Variants in RASL12 observed in about 807,000 individuals in gnomAD.
RASL12 encodes ras-like protein family member 12.
Under a neutral mutation model 22.9 loss-of-function variants are expected in RASL12, and 16 were observed. The observed-to-expected ratio is 0.70, with a 90% CI of 0.47 to 1.06. RASL12 has a LOEUF of 1.06. RASL12 is among the 50% of genes least tolerant of loss of function. The probability of loss-of-function intolerance (pLI) is 0.00; values close to 1 mark genes in which losing one functional copy is unlikely to be tolerated. For synonymous variants in RASL12, 159 were observed against 152.2 expected (o/e 1.04, Z -0.33); for missense variants, 306 against 353.1 (o/e 0.87, Z 1.07).
Position 65,053,347 on chromosome 15 carries a change from A to G in RASL12, c.*1552T>C. 7.1e-7 allele frequency: 1 copy of G among 1,411,584 alleles called. No homozygotes were observed. The highest frequency in any genetic ancestry group is 9.2e-7 in the Non-Finnish European group (1 of 1,090,090). The allele number at this position is 1,411,584 out of a possible 1,614,324, so 87.4% of individuals were successfully genotyped here. A position where few individuals can be genotyped will look rare whatever the true frequency, so the allele number is the denominator to read the frequency against. ...GCAAGCAAACTAAAATTCTGTTATTAAAAAAAATCTTTTATTAAAATGCTC... is the reference window on the plus strand; with the variant it reads ...GCAAGCAAACTAAAATTCTGTTATTGAAAAAAATCTTTTATTAAAATGCTC... On this transcript the variant is annotated 3_prime_UTR_variant, in exon 5 of 5. Coordinates refer to ENST00000220062, the MANE Select transcript of RASL12 (RefSeq NM_016563.4).
At chr15:65,071,445 C>T (rs540927312), upstream of RASL12, among the ~76,000 whole-genome samples, 5 of 152,218 alleles carry the variant, frequency 3.3e-5, no homozygotes, top group South Asian at 1.0e-3. Context: ...GGAAACTCTC[C>T]CCAGCTGTAG....
At position 65,065,254 on chromosome 15, in the gene RASL12, C is replaced by T; in HGVS notation, c.123G>A (p.Leu41=). 1.2e-6 allele frequency: 2 copies of T among 1,612,600 alleles called. No homozygotes were observed. Among genetic ancestry groups the T allele is most frequent in the Non-Finnish European group, 1.7e-6 (2 of 1,179,502 alleles). Residue 41 remains leucine (L), a synonymous_variant, in exon 2 of 5, where the codon CTG becomes CTA. Coordinates refer to ENST00000220062, the MANE Select transcript of RASL12 (RefSeq NM_016563.4). ...CATATTCACTGATAAACCTCTTGGT[C>T]AGAAACTTCACGGTCAGGGCTGCAA... is the stretch of plus-strand genomic sequence containing the variant. ...AGKSALTVKF[L]TKRFISEYDP...
the RASL12 span, among the ~76,000 whole-genome samples, chr15:65,045,843 A>G: frequency 6.6e-6 from 1 of 152,260 alleles, no homozygotes; most frequent in Non-Finnish European, 1.5e-5. Context: ...TGCTCACTTT[A>G]GAAGCAAACT....
downstream of RASL12, chr15:65,049,268 A>G (rs1180845732): frequency 6.6e-6 from 1 of 151,542 alleles, no homozygotes; most frequent in East Asian, 1.9e-4. Context: ...ATTTATCCAG[A>G]GAGCATGGAT....
chr15:65,050,464 C>T (rs2086635798), downstream of RASL12, among the ~76,000 whole-genome samples: 1 of 152,122 alleles, frequency 6.6e-6, no homozygotes, highest in South Asian at 2.1e-4. Flanking sequence ...ACGCATAGTG[C>T]GTTGGTGATG....
downstream of RASL12, chr15:65,051,747 T>C: frequency 1.5e-6 from 1 of 656,910 alleles, no homozygotes; most frequent in African/African-American, 1.9e-5. Flanking sequence ...TCAGTGTCCT[T>C]CGAGAACCCC....
chr15:65,058,291 C>T (rs1020278698), intron 4 of RASL12, 136 bp downstream of exon 4: 1 of 687,710 alleles, frequency 1.5e-6, no homozygotes, highest in Non-Finnish European at 2.1e-6. Context: ...CACACACAAA[C>T]AAACATATAA....
chr15:65,048,138 G>A, the RASL12 span, among the ~76,000 whole-genome samples: 283 of 151,542 alleles, frequency 1.9e-3, 1 homozygote, highest in Non-Finnish European at 3.6e-3. Flanking sequence ...CTGAGATCAC[G>A]TCACTGCACT....
At chr15:65,075,340 C>T (rs1178575511) in intron 1 of RASL12, among the ~76,000 whole-genome samples, 2 of 152,238 alleles carry the variant, frequency 1.3e-5, no homozygotes, top group African/African-American at 4.8e-5. Context: ...GCCCGAGCCT[C>T]CCCGACGAGC....
chr15:65,073,960 A>G (rs560742213), intron 1 of RASL12, among the ~76,000 whole-genome samples: 2 of 152,302 alleles, frequency 1.3e-5, no homozygotes, highest in South Asian at 2.1e-4. Flanking sequence ...GGCAGCCCCA[A>G]TTCCTTTTCC....
chr15:65,070,499 C>T (rs1421783444), upstream of RASL12, among the ~76,000 whole-genome samples: 1 of 152,244 alleles, frequency 6.6e-6, no homozygotes, highest in Admixed American at 6.5e-5. Context: ...TAACCCAACT[C>T]TCCTTACCCT....
chr15:65,055,968 C>T (rs2086725943), intron 4 of RASL12, among the ~76,000 whole-genome samples: 2 of 152,256 alleles, frequency 1.3e-5, no homozygotes, highest in South Asian at 4.1e-4. Flanking sequence ...GGGGCAACAC[C>T]TATTCTGCCT....
rs538147800 is a variant in RASL12 at position 65,057,209 on chromosome 15, C to G, written c.425+1218G>C. Among the ~76,000 whole-genome samples the G allele has an allele frequency of 1.2e-4, 18 of 152,330 alleles. No individual in the cohort carries two copies. The South Asian group carries it at 2.7e-3, about 23-fold the overall frequency. ...CTGACCCGTTCTAAACAAAGGGTCC[C>G]TTCCTTGCTAACACCAGTCAATGTG... is the stretch of plus-strand genomic sequence containing the variant. On this transcript the variant is annotated intron_variant, in intron 4 of 4. Transcript: ENST00000220062.
At chr15:65,066,072 AG>A (rs2086874810) in intron 1 of RASL12, among the ~76,000 whole-genome samples, 2 of 149,174 alleles carry the variant, frequency 1.3e-5, no homozygotes, top group African/African-American at 2.6e-5. Context: ...AGAGTAGAGA[AG>A]AGAGAGAATA....
Position 65,056,663 on chromosome 15 carries a change from T to C in RASL12, c.426-1389A>G, listed in dbSNP as rs2086735840. ...ATTTTGTTGCATCCTAGGGAAAATT[T>C]TATCAGTGGCTTGGGAAGCATCAAC... On this transcript the variant is annotated intron_variant, in intron 4 of 4. Transcript: ENST00000220062. 1.3e-5 allele frequency among the ~76,000 whole-genome samples: 2 copies of C among 152,120 alleles called. 1 individual carries two copies. Among genetic ancestry groups the C allele is most frequent in the Admixed American group, 1.3e-4 (2 of 15,276 alleles).
At chr15:65,052,321 A>G (rs1374182848), downstream of RASL12, among the ~76,000 whole-genome samples, 2 of 151,754 alleles carry the variant, frequency 1.3e-5, no homozygotes, top group Non-Finnish European at 2.9e-5. Context: ...GGTCAGAGAC[A>G]GTGTGGTTAG....
chr15:65,075,150 G>A (rs950030183), intron 1 of RASL12, among the ~76,000 whole-genome samples: 2 of 152,250 alleles, frequency 1.3e-5, no homozygotes, highest in Non-Finnish European at 2.9e-5. Context: ...CCCGGGCAAT[G>A]AGGGACTTTG....
At position 65,058,512 on chromosome 15, in the gene RASL12, C is replaced by T. The variant is rs1309306085; in HGVS notation, c.340G>A (p.Glu114Lys). Reference protein sequence around the residue: ...QSFDSSSSYLELLALHAKETQ... With the variant: ...QSFDSSSSYLKLLALHAKETQ... The stretch of plus-strand genomic sequence containing the variant: ...TCCTTCGCGTGCAAGGCAAGCAGCT[C>T]CAGGTAGCTGCTGCTGCTATCAAAG... Residue 114 changes from glutamate to lysine, a missense_variant, in exon 4 of 5, where the codon GAG becomes AAG. Physicochemically the swap from Glu to Lys is moderately conservative, Grantham distance 56. Coordinates refer to ENST00000220062, the MANE Select transcript of RASL12 (RefSeq NM_016563.4). 6.2e-7 allele frequency: 1 copy of T among 1,611,474 alleles called. No individual in the cohort carries two copies. The highest frequency in any genetic ancestry group is 1.7e-5 in the Admixed American group (1 of 59,866).
chr15:65,049,068 T>C (rs912619672), downstream of RASL12: 3 of 148,296 alleles, frequency 2.0e-5, no homozygotes, highest in Non-Finnish European at 4.5e-5. Flanking sequence ...CTGAATAATA[T>C]ATGTTGTCAA....
Sources: allele counts gnomAD v4.1 joint callset (sites outside exome capture counted in the v4.1 genomes callset), GRCh38; gene constraint gnomAD v4.1.1; transcripts MANE v1.5; gene names NCBI Gene and HGNC (gene_info 2026-07-23, HGNC 2026-07-21).